CHCHD3: variants seen among roughly 807,000 people sequenced by gnomAD.
The protein encoded by CHCHD3 is coiled-coil-helix-coiled-coil-helix domain containing 3.
A neutral mutation model predicts 38.2 loss-of-function variants in CHCHD3; 20 were observed. The ratio of observed to expected loss-of-function variants is 0.52; its 90% CI spans 0.37 to 0.76. The LOEUF (loss-of-function observed/expected upper bound fraction) is 0.76. CHCHD3 is among the 30% of genes least tolerant of loss of function. The pLI, the probability that CHCHD3 is intolerant of heterozygous loss-of-function variation, is 0.00. For missense variants in CHCHD3, 245 were observed against 279.2 expected, an observed-to-expected ratio of 0.88 and a Z score of 0.87; for synonymous variants, 82 against 100.0, an observed-to-expected ratio of 0.82 and a Z score of 1.07.
rs913273329 is a variant in CHCHD3 at position 132,930,236 on chromosome 7, C to T, written c.370-44491G>A. Among the ~76,000 whole-genome samples the T allele has an allele frequency of 1.1e-4, 16 of 149,290 alleles. No homozygotes were observed. In the East Asian group the frequency reaches 1.2e-3, roughly 11 times the overall value. ...GGCTGGAGTGCAGTGGTGCAATCTCCGCTCACTGCAACCTCCACCTCCCTG... is the reference window on the plus strand; with the variant it reads ...GGCTGGAGTGCAGTGGTGCAATCTCTGCTCACTGCAACCTCCACCTCCCTG... On this transcript the variant is annotated intron_variant, in intron 4 of 7. Coordinates refer to ENST00000262570, the MANE Select transcript of CHCHD3 (RefSeq NM_017812.4).
intron 5 of CHCHD3, among the ~76,000 whole-genome samples, chr7:132,864,619 G>A (rs1808572202): frequency 6.6e-6 from 1 of 152,104 alleles, no homozygotes; most frequent in Non-Finnish European, 1.5e-5. Context: ...AATGAAGTAT[G>A]TCTGTACTGT....
chr7:133,059,235 C>T (rs1584678611), intron 2 of CHCHD3, among the ~76,000 whole-genome samples: 2 of 152,152 alleles, frequency 1.3e-5, no homozygotes, highest in East Asian at 3.9e-4. Flanking sequence ...TCTCAAGTGT[C>T]CCAGAGTTTT....
intron 3 of CHCHD3, among the ~76,000 whole-genome samples, chr7:133,007,567 C>T (rs1465562531): frequency 6.6e-6 from 1 of 152,140 alleles, no homozygotes; most frequent in East Asian, 1.9e-4. Flanking sequence ...GCAGCAGTAT[C>T]ATCACTACGG....
chr7:132,877,700 C>T (rs900144444), intron 5 of CHCHD3, among the ~76,000 whole-genome samples: 13 of 152,110 alleles, frequency 8.5e-5, no homozygotes, highest in African/African-American at 2.7e-4. Flanking sequence ...TTAACTTCAA[C>T]ATCCAAACCT....
chr7:132,987,069 G>A (rs1259274789), intron 3 of CHCHD3, among the ~76,000 whole-genome samples: 1 of 152,056 alleles, frequency 6.6e-6, no homozygotes, highest in East Asian at 1.9e-4. Flanking sequence ...TCTGATATTG[G>A]ACAATGCCTC....
At chr7:133,058,448 G>A (rs1814405682) in intron 2 of CHCHD3, among the ~76,000 whole-genome samples, 1 of 152,042 alleles carries the variant, frequency 6.6e-6, no homozygotes, top group South Asian at 2.1e-4. Context: ...GCTGCCAGAG[G>A]TATTTTGTTA....
chr7:132,974,652 G>A (rs1335807254), intron 4 of CHCHD3, among the ~76,000 whole-genome samples: 1 of 152,162 alleles, frequency 6.6e-6, no homozygotes, highest in Admixed American at 6.5e-5. Flanking sequence ...GAGGCGGGTG[G>A]ATCACATGGT....
At chr7:132,845,513 G>A (rs537193749) in intron 5 of CHCHD3, among the ~76,000 whole-genome samples, 21 of 152,274 alleles carry the variant, frequency 1.4e-4, no homozygotes, top group East Asian at 3.9e-4. Flanking sequence ...TGTCAGGAGC[G>A]TTAATAGCTA....
intron 2 of CHCHD3, among the ~76,000 whole-genome samples, chr7:133,044,549 A>T (rs1295121313): frequency 6.6e-6 from 1 of 152,274 alleles, no homozygotes; most frequent in African/African-American, 2.4e-5. Context: ...ATACCATTCA[A>T]TTTATAAGCC....
intron 4 of CHCHD3, among the ~76,000 whole-genome samples, chr7:132,895,416 A>C (rs1357178545): frequency 6.6e-6 from 1 of 152,236 alleles, no homozygotes; most frequent in Admixed American, 6.5e-5. Flanking sequence ...AGTTGTGACA[A>C]GCAAAATGTC....
chr7:133,057,260 C>G (rs1272772271), intron 2 of CHCHD3, among the ~76,000 whole-genome samples: 1 of 152,136 alleles, frequency 6.6e-6, no homozygotes, highest in African/African-American at 2.4e-5. Context: ...TATAACATAG[C>G]CTTAAAAAGT....
intron 4 of CHCHD3, among the ~76,000 whole-genome samples, chr7:132,932,368 A>C (rs1562912359): frequency 6.6e-6 from 1 of 152,240 alleles, no homozygotes; most frequent in South Asian, 2.1e-4. Flanking sequence ...AGATTGCAGG[A>C]GGGACACAGA....
At chr7:132,847,828 C>T (rs373176199) in intron 5 of CHCHD3, among the ~76,000 whole-genome samples, 2 of 152,086 alleles carry the variant, frequency 1.3e-5, no homozygotes, top group African/African-American at 4.8e-5. Context: ...ACAAAAAGAA[C>T]AAATCAAAGA....
intron 2 of CHCHD3, among the ~76,000 whole-genome samples, chr7:133,036,913 G>GT (rs546094481): frequency 6.6e-6 from 1 of 152,038 alleles, no homozygotes; most frequent in Non-Finnish European, 1.5e-5. Context: ...GGATTTGTTG[G>GT]TTTTTTTAAC....
At chr7:133,023,657 T>C (rs1444762554) in intron 3 of CHCHD3, among the ~76,000 whole-genome samples, 2 of 152,240 alleles carry the variant, frequency 1.3e-5, no homozygotes. Flanking sequence ...AAGCACTTTA[T>C]CTTAGATTAA....
intron 5 of CHCHD3, among the ~76,000 whole-genome samples, chr7:132,863,540 A>G (rs969702430): frequency 2.6e-5 from 4 of 152,178 alleles, no homozygotes; most frequent in African/African-American, 9.7e-5. Context: ...TTCAACTTCA[A>G]GTCATCAGCT....
chr7:132,985,435 C>T (rs1397618263), intron 3 of CHCHD3, among the ~76,000 whole-genome samples: 1 of 66,372 alleles, frequency 1.5e-5, no homozygotes, highest in African/African-American at 5.5e-5. Flanking sequence ...GGCGCCTCTG[C>T]CCGGCCGCCC....
chr7:132,872,878 G>C (rs1471611556), intron 5 of CHCHD3, among the ~76,000 whole-genome samples: 1 of 152,058 alleles, frequency 6.6e-6, no homozygotes, highest in Non-Finnish European at 1.5e-5. Flanking sequence ...GGCCGAGGCA[G>C]GTAGATCACT....
chr7:132,854,675 T>G (rs550722934), intron 5 of CHCHD3, among the ~76,000 whole-genome samples: 81 of 152,322 alleles, frequency 5.3e-4, no homozygotes, highest in African/African-American at 1.9e-3. Flanking sequence ...ATTTGTTAAG[T>G]GGGTCAATGT....
Sources: allele counts gnomAD v4.1 joint callset (sites outside exome capture counted in the v4.1 genomes callset), GRCh38; gene constraint gnomAD v4.1.1; transcripts MANE v1.5; gene names NCBI Gene and HGNC (gene_info 2026-07-23, HGNC 2026-07-21).